Variants in CCDC91 observed in about 807,000 individuals in gnomAD.
CCDC91 encodes the protein coiled-coil domain-containing protein 91.
Under a neutral mutation model 63.2 loss-of-function variants are expected in CCDC91, and 48 were observed. The ratio of observed to expected loss-of-function variants is 0.76; its 90% CI spans 0.60 to 0.97. The LOEUF (loss-of-function observed/expected upper bound fraction) is 0.97. Among genes scored for constraint, CCDC91 ranks in the 50% least tolerant of loss-of-function variants. The pLI is 0.00. For synonymous variants in CCDC91, 167 were observed against 165.8 expected, an observed-to-expected ratio of 1.01 and a Z score of -0.06; for missense variants, 500 against 494.6, an observed-to-expected ratio of 1.01 and a Z score of -0.10.
At chr12:28,363,108 TA>T (rs1944012286) in intron 7 of CCDC91, among the ~76,000 whole-genome samples, 1 of 152,164 alleles carries the variant, frequency 6.6e-6, no homozygotes, top group South Asian at 2.1e-4. Context: ...CTTTTACAAG[TA>T]ATTAAGGATG....
intron 7 of CCDC91, among the ~76,000 whole-genome samples, chr12:28,364,620 C>G (rs1479473580): frequency 6.6e-6 from 1 of 152,060 alleles, no homozygotes; most frequent in African/African-American, 2.4e-5. Context: ...ATTCCATAAC[C>G]ATGGATGAGA....
chr12:28,267,905 T>TATTATATATAATTATAATTATATATA (rs796554809), intron 3 of CCDC91, among the ~76,000 whole-genome samples: 1 of 55,740 alleles, frequency 1.8e-5, no homozygotes, highest in Non-Finnish European at 4.1e-5. Context: ...TATATAATTA[T>TATTATATATAATTATAATTATATATA]ATTATATATA....
intron 11 of CCDC91, among the ~76,000 whole-genome samples, chr12:28,458,455 CTTTTTTTTTTTTTTTTT>C (rs60083355): frequency 6.6e-5 from 3 of 45,792 alleles, no homozygotes; most frequent in African/African-American, 3.3e-4. Context: ...ATTTGCACAC[CTTTTTTTTTTTTTTTTT>C]TTTTTTTTTT....
intron 8 of CCDC91, among the ~76,000 whole-genome samples, chr12:28,428,631 G>A (rs1191147017): frequency 1.3e-5 from 2 of 149,940 alleles, no homozygotes; most frequent in African/African-American, 4.9e-5. Flanking sequence ...TAGGGAATGT[G>A]TGTTTCTTGC....
chr12:28,288,458 A>C (rs141937975), intron 3 of CCDC91, among the ~76,000 whole-genome samples: 63 of 151,908 alleles, frequency 4.1e-4, no homozygotes, highest in African/African-American at 1.4e-3. Flanking sequence ...TGAGATAATC[A>C]TGTGTTTCTT....
In CCDC91 at chr12:28,346,798, A is replaced by G. The variant is rs546016250; in HGVS notation, c.577-15640A>G. ...TTTATAGTGGCTTTATGAGGTAGGC[A>G]TGATGATTAAACTGTTGGCCATTGG... On this transcript the variant is annotated intron_variant, in intron 6 of 12. Transcript: ENST00000536442. 1.8e-4 allele frequency among the ~76,000 whole-genome samples: 27 copies of G among 152,310 alleles called. No individual in the cohort carries two copies. The South Asian group carries it at 5.4e-3, about 30-fold the overall frequency.
chr12:28,224,070 G>C (rs760268679), intron 1 of CCDC91, among the ~76,000 whole-genome samples: 1 of 152,114 alleles, frequency 6.6e-6, no homozygotes, highest in Non-Finnish European at 1.5e-5. Context: ...GTGCCCATGT[G>C]GTTTCTGTGG....
At chr12:28,539,456 A>G (rs190189197) in intron 12 of CCDC91, among the ~76,000 whole-genome samples, 1 of 152,038 alleles carries the variant, frequency 6.6e-6, no homozygotes, top group African/African-American at 2.4e-5. Flanking sequence ...GTTCTGTTCC[A>G]TTGGTCTATA....
intron 11 of CCDC91, among the ~76,000 whole-genome samples, chr12:28,468,529 T>A (rs1022025417): frequency 1.3e-5 from 2 of 152,002 alleles, no homozygotes; most frequent in African/African-American, 4.8e-5. Context: ...TCAGAACTAA[T>A]ACCAATCCTT....
chr12:28,425,686 ACT>A (rs1038699964), intron 8 of CCDC91, among the ~76,000 whole-genome samples: 3 of 152,106 alleles, frequency 2.0e-5, no homozygotes, highest in Non-Finnish European at 4.4e-5. Flanking sequence ...TGCTCATGGA[ACT>A]CTCTCTAACT....
At chr12:28,542,770 T>C (rs1942719297) in intron 12 of CCDC91, among the ~76,000 whole-genome samples, 1 of 152,086 alleles carries the variant, frequency 6.6e-6, no homozygotes, top group Non-Finnish European at 1.5e-5. Context: ...TTTCCCAAAC[T>C]TACTTGACTT....
At chr12:28,381,581 C>T (rs1945299378) in intron 7 of CCDC91, among the ~76,000 whole-genome samples, 1 of 152,016 alleles carries the variant, frequency 6.6e-6, no homozygotes, top group Non-Finnish European at 1.5e-5. Flanking sequence ...TGTCAAATTG[C>T]TTTATAGCAA....
intron 6 of CCDC91, among the ~76,000 whole-genome samples, chr12:28,315,860 A>G (rs1186609603): frequency 1.3e-5 from 2 of 151,752 alleles, no homozygotes; most frequent in African/African-American, 2.4e-5. Flanking sequence ...AAGGCCAATG[A>G]TAAATATACA....
rs55816778 is a variant in CCDC91, at chr12:28,197,841, A to G, written c.-15+7200A>G. Among the ~76,000 whole-genome samples, 795 of 152,214 alleles carry G rather than the reference A, an allele frequency of 5.2e-3. 6 individuals carry two copies. The Middle Eastern group carries it at 0.058, about 11-fold the overall frequency. On this transcript the variant is annotated intron_variant, in intron 1 of 12. Transcript: ENST00000536442. ...TTATTTTCTAAGTGGCGTAAAGATT[A>G]TTGTTGGCTATATGCCATACAATTT...
intron 12 of CCDC91, among the ~76,000 whole-genome samples, chr12:28,522,352 A>T (rs1463093105): frequency 6.6e-6 from 1 of 152,062 alleles, no homozygotes; most frequent in African/African-American, 2.4e-5. Context: ...TTTCTAGTTT[A>T]TTTGCATAGA....
At chr12:28,527,619 AGT>A (rs913464656) in intron 12 of CCDC91, among the ~76,000 whole-genome samples, 1 of 147,398 alleles carries the variant, frequency 6.8e-6, no homozygotes, top group African/African-American at 2.7e-5. Context: ...CAGCTATGGG[AGT>A]ATGGGGGGGG....
chr12:28,394,711 G>GCTCTCTCTCTCTCTCTCTCTCTCTCT (rs151131648), intron 8 of CCDC91, among the ~76,000 whole-genome samples: 2,230 of 136,878 alleles, frequency 0.016, 112 homozygotes, highest in Non-Finnish European at 0.026. Context: ...TCTGTTTCTT[G>GCTCTCTCTCTCTCTCTCTCTCTCTCT]CTCTCTCTCT....
intron 6 of CCDC91, among the ~76,000 whole-genome samples, chr12:28,320,583 G>A (rs1393707694): frequency 6.6e-6 from 1 of 151,836 alleles, no homozygotes; most frequent in Non-Finnish European, 1.5e-5. Context: ...CTAGAACAAA[G>A]CCACAGACCT....
At chr12:28,391,052 G>A (rs1357942024) in intron 7 of CCDC91, among the ~76,000 whole-genome samples, 1 of 150,840 alleles carries the variant, frequency 6.6e-6, no homozygotes, top group East Asian at 1.9e-4. Flanking sequence ...CTGTGACTTG[G>A]CCTTTTTAAG....
Sources: allele counts gnomAD v4.1 joint callset (sites outside exome capture counted in the v4.1 genomes callset), GRCh38; gene constraint gnomAD v4.1.1; transcripts MANE v1.5; gene names NCBI Gene and HGNC (gene_info 2026-07-23, HGNC 2026-07-21).